METTL9: variants seen among roughly 807,000 people sequenced by gnomAD.
The protein encoded by METTL9 is methyltransferase 9, His-X-His N1(pi)-histidine, also known as protein-L-histidine N-pros-methyltransferase.
A neutral mutation model predicts 36.0 loss-of-function variants in METTL9; 10 were observed. The ratio of observed to expected loss-of-function variants is 0.28; its 90% CI spans 0.17 to 0.47. The LOEUF is 0.47. Among genes scored for constraint, METTL9 ranks in the 20% least tolerant of loss-of-function variants. METTL9 has a pLI of 0.99. For synonymous variants in METTL9, 175 were observed against 149.7 expected (o/e 1.17, Z -1.23); for missense variants, 246 against 383.5 (o/e 0.64, Z 3.00).
intron 4 of METTL9, chr16:21,647,423 GCCT>G (rs780238868): frequency 6.2e-7 from 1 of 1,614,076 alleles, no homozygotes. Context: ...TATGGTGACG[GCCT>G]CATGAGTGTA....
intron 1 of METTL9, among the ~76,000 whole-genome samples, chr16:21,611,637 G>T (rs1489649829): frequency 6.6e-6 from 1 of 152,174 alleles, no homozygotes; most frequent in Non-Finnish European, 1.5e-5. Flanking sequence ...GGACTTGCCT[G>T]CATTATCTTG....
Position 21,610,896 on chromosome 16 carries a change from G to C in METTL9, c.166-1749G>C, listed in dbSNP as rs77399973. Among the ~76,000 whole-genome samples, 445 of 152,262 alleles carry C rather than the reference G, an allele frequency of 2.9e-3. 3 individuals carry two copies. Among genetic ancestry groups the C allele is most frequent in the African/African-American group, 9.4e-3 (392 of 41,550 alleles). On this transcript the variant is annotated intron_variant, in intron 1 of 4. Transcript: ENST00000358154. ...GAGAATAAAAAATAAATAAAAGTCAGAGTGGCCTCCATATTACAGAGTTCA... is the reference window on the plus strand; with the variant it reads ...GAGAATAAAAAATAAATAAAAGTCACAGTGGCCTCCATATTACAGAGTTCA...
At chr16:21,639,108 T>C (rs1966181123) in intron 4 of METTL9, among the ~76,000 whole-genome samples, 1 of 152,238 alleles carries the variant, frequency 6.6e-6, no homozygotes, top group Non-Finnish European at 1.5e-5. Context: ...ATAAAACTTA[T>C]TTTGAAGTTT....
At chr16:21,648,948 G>A (rs924692844) in intron 4 of METTL9, among the ~76,000 whole-genome samples, 7 of 152,114 alleles carry the variant, frequency 4.6e-5, no homozygotes, top group Non-Finnish European at 5.9e-5. Flanking sequence ...GAATCATGGC[G>A]TTTGTGATGC....
chr16:21,619,992 T>G lies in METTL9; in HGVS notation c.566+1918T>G, dbSNP rs16972765. ...TTGGAGCAGGACTGGTTTGAGCATTTGCAAAACATGGAGATTTTTAGCCTG... is the reference window on the plus strand; with the variant it reads ...TTGGAGCAGGACTGGTTTGAGCATTGGCAAAACATGGAGATTTTTAGCCTG... On this transcript the variant is annotated intron_variant, in intron 3 of 4. Transcript: ENST00000358154. 0.024 allele frequency among the ~76,000 whole-genome samples: 3,711 copies of G among 152,266 alleles called. 326 individuals carry two copies. The East Asian group carries it at 0.27, about 11-fold the overall frequency.
chr16:21,598,583 C>T (rs192919709), upstream of METTL9, among the ~76,000 whole-genome samples: 48 of 152,250 alleles, frequency 3.2e-4, no homozygotes, highest in Non-Finnish European at 5.6e-4. Context: ...GGGACTCCCA[C>T]GAAATGTTAC....
rs746448457 is a variant in METTL9 at position 21,612,852 on chromosome 16, C to G, written c.356+17C>G. ...TATCAATGGGTAAGTGAATCTTGGA[C>G]ATTTATTTTTTTCTTTATCCTTAGG... On this transcript the variant is annotated intron_variant, in intron 2 of 4. Coordinates refer to ENST00000358154, the MANE Select transcript of METTL9 (RefSeq NM_016025.5). 1.9e-6 allele frequency: 3 copies of G among 1,549,350 alleles called. No homozygotes were observed.
intron 4 of METTL9, chr16:21,647,000 G>C (rs555533300): frequency 8.3e-7 from 1 of 1,208,064 alleles, no homozygotes; most frequent in Non-Finnish European, 1.2e-6. Flanking sequence ...CTTGTGTTCA[G>C]ATCACACCCA....
intron 2 of METTL9, among the ~76,000 whole-genome samples, chr16:21,617,242 C>A (rs1357697035): frequency 6.7e-6 from 1 of 150,304 alleles, no homozygotes; most frequent in Non-Finnish European, 1.5e-5. Flanking sequence ...CATGGTGAAA[C>A]CCCTTCTCTA....
At chr16:21,640,129 C>T (rs1034442791) in intron 4 of METTL9, 2 of 151,692 alleles carry the variant, frequency 1.3e-5, no homozygotes, top group Admixed American at 6.6e-5. Context: ...TTAGTAGAGA[C>T]GGGTTTCATC....
Position 21,612,804 on chromosome 16 carries a change from A to G in METTL9, c.325A>G (p.Ser109Gly), listed in dbSNP as rs762865078. 16 of 1,609,396 alleles carry G rather than the reference A, an allele frequency of 9.9e-6. No individual in the cohort carries two copies. The highest frequency in any genetic ancestry group is 1.4e-5 in the Non-Finnish European group (16 of 1,178,570). The change falls in exon 2 of 5, where the codon AGC becomes GGC. Residue 109 changes from serine to glycine, a missense_variant. Ser to Gly is a moderately conservative substitution (Grantham distance 56). Coordinates refer to ENST00000358154, the MANE Select transcript of METTL9 (RefSeq NM_016025.5). ...TCATTCTTTTGTGTCATCTGTTTTTAGCCTGTTTATGTCTAGAACATCTAT... is the reference window on the plus strand; with the variant it reads ...TCATTCTTTTGTGTCATCTGTTTTTGGCCTGTTTATGTCTAGAACATCTAT... ...LYHSFVSSVF[S>G]LFMSRTSING...
intron 4 of METTL9, among the ~76,000 whole-genome samples, chr16:21,629,197 C>T (rs567657076): frequency 9.2e-5 from 14 of 152,092 alleles, no homozygotes; most frequent in African/African-American, 2.9e-4. Context: ...TTATAGACTG[C>T]GTGTTTGTTT....
intron 4 of METTL9, chr16:21,643,000 C>T: frequency 1.1e-6 from 1 of 948,180 alleles, no homozygotes; most frequent in South Asian, 1.4e-5. Flanking sequence ...TTCTTGACAG[C>T]TCCTTGGCAG....
chr16:21,652,709 A>G (rs1275008002), intron 4 of METTL9: 6 of 742,430 alleles, frequency 8.1e-6, no homozygotes, highest in Middle Eastern at 2.4e-4. Flanking sequence ...AGGAACCATA[A>G]TCAGGAACTT....
At position 21,625,116 on chromosome 16, in the gene METTL9, G is replaced by C; in HGVS notation, c.751+1G>C. On this transcript the variant is annotated splice_donor_variant, in intron 4 of 4. Transcript: ENST00000358154. LOFTEE classifies it high-confidence loss of function. ...CCCTTTCATCCCTATGTGGAAAACG[G>C]TAAGTGTGGTCAGTCAGGCTAGCTC... The C allele has an allele frequency of 6.2e-7, 1 of 1,613,564 alleles. No individual in the cohort carries two copies. The highest frequency in any genetic ancestry group is 8.5e-7 in the Non-Finnish European group (1 of 1,179,538).
chr16:21,636,127 A>C (rs571421569), intron 4 of METTL9, among the ~76,000 whole-genome samples: 2 of 152,318 alleles, frequency 1.3e-5, no homozygotes, highest in African/African-American at 4.8e-5. Context: ...GTGGAGGGCC[A>C]TACCCTGAGG....
intron 1 of METTL9, among the ~76,000 whole-genome samples, chr16:21,607,417 G>A (rs948070968): frequency 2.0e-5 from 3 of 152,116 alleles, no homozygotes; most frequent in Admixed American, 1.3e-4. Flanking sequence ...AATAACTTCG[G>A]TTGGCGAATA....
At chr16:21,644,323 G>A (rs760364129) in intron 4 of METTL9, 14 of 1,613,622 alleles carry the variant, frequency 8.7e-6, no homozygotes, top group Middle Eastern at 1.6e-4. Context: ...CGCACACACC[G>A]GTCACATAGA....
chr16:21,615,476 AC>A (rs1477604123), intron 2 of METTL9, among the ~76,000 whole-genome samples: 1 of 151,890 alleles, frequency 6.6e-6, no homozygotes, highest in African/African-American at 2.4e-5. Flanking sequence ...AGATCCTCCC[AC>A]CTCGGCCTCC....
Sources: gnomAD v4.1 joint callset for allele counts (sites outside exome capture counted in the v4.1 genomes callset) on GRCh38, gnomAD v4.1.1 for gene constraint, MANE v1.5 for transcripts, NCBI Gene and HGNC (gene_info 2026-07-23, HGNC 2026-07-21) for gene names.